The following CCDC27 variants were observed in gnomAD, a reference collection of about 807,000 sequenced individuals.
CCDC27 encodes the protein coiled-coil domain containing 27, also known as coiled-coil domain-containing protein 27.
CCDC27 carries 80 observed loss-of-function variants against 80.3 expected under a neutral mutation model. The ratio of observed to expected loss-of-function variants is 1.00; its 90% CI spans 0.83 to 1.20. The LOEUF (loss-of-function observed/expected upper bound fraction) is 1.20. Ranked by LOEUF, CCDC27 falls within the 50% of genes most tolerant of loss-of-function variation. The probability of loss-of-function intolerance (pLI) is 0.00; values close to 1 mark genes in which losing one functional copy is unlikely to be tolerated. For missense variants in CCDC27, 815 were observed against 809.4 expected, an observed-to-expected ratio of 1.01 and a Z score of -0.08; for synonymous variants, 342 against 334.3, an observed-to-expected ratio of 1.02 and a Z score of -0.25.
chr1:3,767,557 C>T (rs567130407), intron 10 of CCDC27, 112 bp downstream of exon 10: 6 of 866,276 alleles, frequency 6.9e-6, no homozygotes, highest in African/African-American at 3.4e-5. Flanking sequence ...CGCTGGGGCT[C>T]GGGCTGGTTC....
Position 3,762,988 on chromosome 1 carries a change from G to A in CCDC27, c.955-120G>A, listed in dbSNP as rs1643124278. ...CCAGGCAGATGCTCTCCCACTCCCT[G>A]GACCCTGCAGCAGCCTGGAAGGAGG... On this transcript the variant is annotated intron_variant, in intron 6 of 11. Transcript: ENST00000294600. 1.6e-6 allele frequency: 2 copies of A among 1,271,258 alleles called. 1 individual carries two copies. The highest frequency in any genetic ancestry group is 3.0e-5 in the African/African-American group (2 of 66,530). 78.7% of individuals were successfully genotyped at this position (1,271,258 alleles called of 1,614,324 possible).
At position 3,766,662 on chromosome 1, in the gene CCDC27, G is replaced by C; in HGVS notation, c.1530+50G>C. 4 of 1,504,472 alleles carry C rather than the reference G, an allele frequency of 2.7e-6. No homozygotes were observed. The highest frequency in any genetic ancestry group is 1.1e-5 in the South Asian group (1 of 87,972). The allele number at this position is 1,504,472 out of a possible 1,614,324, so 93.2% of individuals were successfully genotyped here. On this transcript the variant is annotated intron_variant, in intron 9 of 11. Coordinates refer to ENST00000294600, the MANE Select transcript of CCDC27 (RefSeq NM_152492.3). The surrounding 1 kb of genome is among the most constrained non-coding windows in gnomAD (Gnocchi z 6.1). ...GATCAGCCAGGCCACTGTTCTTACT[G>C]TAAGTCCCAACACAGCAAAGGGCAA...
At chr1:3,756,989 C>T in intron 4 of CCDC27, 99 bp downstream of exon 4, 1 of 1,390,844 alleles carries the variant, frequency 7.2e-7, no homozygotes, top group South Asian at 1.4e-5. Flanking sequence ...GTTCTAGTAT[C>T]TGGTTAGCTG....
chr1:3,757,783 G>T (rs986118452), intron 4 of CCDC27, among the ~76,000 whole-genome samples: 2 of 152,020 alleles, frequency 1.3e-5, no homozygotes, highest in Non-Finnish European at 2.9e-5. Context: ...TTAGCCAGGC[G>T]TGGTGGTGGG....
chr1:3,765,067 A>G (rs1019148444), intron 8 of CCDC27, among the ~76,000 whole-genome samples: 2 of 151,800 alleles, frequency 1.3e-5, no homozygotes, highest in Non-Finnish European at 2.9e-5. Context: ...GAACAGGGGT[A>G]AAGTTTTGGG....
At position 3,752,700 on chromosome 1, in the gene CCDC27, G is replaced by A. The variant is rs752032896; in HGVS notation, c.219G>A (p.Met73Ile). 53 of 1,613,946 alleles carry A rather than the reference G, an allele frequency of 3.3e-5. No individual in the cohort carries two copies. In the East Asian group the frequency reaches 1.1e-3, roughly 35 times the overall value. ...MARALVLLQS[M>I]ASRDARCPEW... ...GGGCCCTGGTGCTCCTCCAGAGCAT[G>A]GCCAGCCGGGACGCCCGGTGCCCAG... Residue 73 changes from methionine (M) to isoleucine (I), a missense_variant, in exon 1 of 12, where the codon ATG (methionine) becomes ATA (isoleucine). Met to Ile is a conservative substitution (Grantham distance 10). Transcript: ENST00000294600.
In CCDC27 at chr1:3,761,014, C is replaced by T. The variant is rs1003356382; in HGVS notation, c.712-267C>T. ...AAAGGGAAGCTGCCTTGCAACTCCT[C>T]GGACGAGGATTTAGGATCTGTTCTT... On this transcript the variant is annotated intron_variant, in intron 4 of 11. Transcript: ENST00000294600. The surrounding 1 kb of genome is among the most constrained non-coding windows in gnomAD (Gnocchi z 5.0). 2.0e-5 allele frequency among the ~76,000 whole-genome samples: 3 copies of T among 152,138 alleles called. No homozygotes were observed. Among genetic ancestry groups the T allele is most frequent in the Non-Finnish European group, 4.4e-5 (3 of 68,020 alleles).
chr1:3,761,662 G>GA lies in CCDC27; in HGVS notation c.861+233dup, dbSNP rs1643090477. 6.6e-6 allele frequency among the ~76,000 whole-genome samples: 1 copy of GA among 151,428 alleles called. No homozygotes were observed. The highest frequency in any genetic ancestry group is 6.6e-5 in the Admixed American group (1 of 15,212). ...CCATGAGCTGATGCAACAGGGGGGG[G>GA]AGAGATGAATGGAGGCGCAAAATGA... On this transcript the variant is annotated intron_variant, in intron 5 of 11. Coordinates refer to ENST00000294600, the MANE Select transcript of CCDC27 (RefSeq NM_152492.3). The surrounding 1 kb of genome is among the most constrained non-coding windows in gnomAD (Gnocchi z 5.0).
rs896506500 is a variant in CCDC27, at chr1:3,766,444, G to T, written c.1453-91G>T. ...AATCCCGCTGCTATTATTTTAGGGAGCTTTGGGGAAGGAAAAAAGTTAGAT... is the reference window on the plus strand; with the variant it reads ...AATCCCGCTGCTATTATTTTAGGGATCTTTGGGGAAGGAAAAAAGTTAGAT... On this transcript the variant is annotated intron_variant, in intron 8 of 11. Coordinates refer to ENST00000294600, the MANE Select transcript of CCDC27 (RefSeq NM_152492.3). The surrounding 1 kb of genome is among the most constrained non-coding windows in gnomAD (Gnocchi z 6.1). The T allele has an allele frequency of 5.0e-6, 4 of 806,650 alleles. No individual in the cohort carries two copies. The East Asian group carries it at 1.0e-4, about 21-fold the overall frequency. 50.0% of individuals were successfully genotyped at this position (806,650 alleles called of 1,614,324 possible).
rs534875738 is a variant in CCDC27 at position 3,770,536 on chromosome 1, C to A, written c.1848+649C>A. Among the ~76,000 whole-genome samples the A allele has an allele frequency of 2.3e-4, 35 of 152,374 alleles. 1 individual carries two copies. In the East Asian group the frequency reaches 6.7e-3, roughly 29 times the overall value. On this transcript the variant is annotated intron_variant, in intron 11 of 11. Transcript: ENST00000294600. ...GTCGTAAGACTCAGAGCTCTGGGAG[C>A]CGGGCACCGGCTATGGCTCTGTGTG...
chr1:3,764,954 G>A (rs1018906406), intron 8 of CCDC27, among the ~76,000 whole-genome samples: 2 of 149,912 alleles, frequency 1.3e-5, no homozygotes, highest in Non-Finnish European at 3.0e-5. Context: ...AGAATCGCTT[G>A]AACCCAGGAG....
At chr1:3,753,712 C>T (rs1418227140) in intron 1 of CCDC27, among the ~76,000 whole-genome samples, 4 of 152,246 alleles carry the variant, frequency 2.6e-5, no homozygotes, top group African/African-American at 9.6e-5. Context: ...AGAGGGGACA[C>T]ACTGCTGCAG....
rs1189292712 is a variant in CCDC27 at position 3,768,750 on chromosome 1, C to T, written c.1744-1033C>T. 6.6e-6 allele frequency among the ~76,000 whole-genome samples: 1 copy of T among 152,144 alleles called. No homozygotes were observed. The highest frequency in any genetic ancestry group is 1.9e-4 in the East Asian group (1 of 5,192). On this transcript the variant is annotated intron_variant, in intron 10 of 11. Transcript: ENST00000294600. This position sits in a 1 kb window ranked among gnomAD's most constrained non-coding sequence, Gnocchi z 5.6. The stretch of plus-strand genomic sequence containing the variant: ...ACTAGCGCCAAGCCTGATGGTGAGG[C>T]CCCACGGGTGTGGGGAAGTGAGGCT...
intron 8 of CCDC27, among the ~76,000 whole-genome samples, chr1:3,765,498 T>C (rs749885450): frequency 2.0e-5 from 3 of 152,234 alleles, no homozygotes; most frequent in Non-Finnish European, 4.4e-5. Flanking sequence ...TGTCTCTTTG[T>C]CTCTTACCGA....
rs767500679 is a variant in CCDC27 at position 3,752,666 on chromosome 1, C to T, written c.185C>T (p.Ser62Leu). The stretch of plus-strand genomic sequence containing the variant: ...CAGAGGCACAGTTCGATGTCCAGCT[C>T]GATGGCCAGGGCCCTGGTGCTCCTC... ...PSQRHSSMSS[S>L]MARALVLLQS... Residue 62 changes from serine (S) to leucine (L), a missense_variant, in exon 1 of 12, where the codon TCG (serine) becomes TTG (leucine). Physicochemically the swap from Ser to Leu is moderately radical, Grantham distance 145. Transcript: ENST00000294600. 6 of 1,614,070 alleles carry T rather than the reference C, an allele frequency of 3.7e-6. No individual in the cohort carries two copies. Among genetic ancestry groups the T allele is most frequent in the Non-Finnish European group, 4.2e-6 (5 of 1,180,020 alleles).
Position 3,763,231 on chromosome 1 carries a change from A to C in CCDC27, c.1078A>C (p.Ser360Arg), listed in dbSNP as rs1312957513. The C allele has an allele frequency of 1.3e-6, 2 of 1,552,752 alleles. No individual in the cohort carries two copies. Among genetic ancestry groups the C allele is most frequent in the Admixed American group, 3.9e-5 (2 of 51,012 alleles). Reference protein sequence around the residue: ...VEDTGAWGGVSQMGSVHEEGS... With the variant: ...VEDTGAWGGVRQMGSVHEEGS... ...GGACACGGGTGCCTGGGGAGGTGTGAGCCAGATGGGATCCGTGCATGAGGA... is the reference window on the plus strand; with the variant it reads ...GGACACGGGTGCCTGGGGAGGTGTGCGCCAGATGGGATCCGTGCATGAGGA... The change falls in exon 7 of 12, where the codon AGC (serine) becomes CGC (arginine). Residue 360 changes from serine to arginine, a missense_variant. Coordinates refer to ENST00000294600, the MANE Select transcript of CCDC27 (RefSeq NM_152492.3). This position sits in a 1 kb window ranked among gnomAD's most constrained non-coding sequence, Gnocchi z 7.5.
At chr1:3,756,595 G>A (rs1339036178) in intron 3 of CCDC27, 138 bp from the exon 4 acceptor site, 7 of 865,192 alleles carry the variant, frequency 8.1e-6, no homozygotes, top group Middle Eastern at 3.6e-4. Flanking sequence ...CAAGAGTTAG[G>A]AGACAGATTG....
At chr1:3,759,318 C>G (rs1272975309) in intron 4 of CCDC27, among the ~76,000 whole-genome samples, 1 of 152,080 alleles carries the variant, frequency 6.6e-6, no homozygotes, top group Non-Finnish European at 1.5e-5. Flanking sequence ...AGGAATGCAT[C>G]TATTTCACAT....
intron 4 of CCDC27, among the ~76,000 whole-genome samples, chr1:3,757,881 C>G (rs904532644): frequency 4.0e-5 from 6 of 148,906 alleles, no homozygotes; most frequent in African/African-American, 1.2e-4. Context: ...GAGATCGCGC[C>G]ACTGCACTCC....
Sources: allele counts gnomAD v4.1 joint callset (sites outside exome capture counted in the v4.1 genomes callset), GRCh38; gene constraint gnomAD v4.1.1; non-coding constraint Gnocchi (gnomAD v3.1); transcripts MANE v1.5; gene names NCBI Gene and HGNC (gene_info 2026-07-23, HGNC 2026-07-21).